TSHZ3: variants seen among roughly 807,000 people sequenced by gnomAD.
TSHZ3 encodes teashirt homolog 3.
Under a neutral mutation model 64.5 loss-of-function variants are expected in TSHZ3, and 10 were observed. The ratio of observed to expected loss-of-function variants is 0.16; its 90% CI spans 0.10 to 0.26. The LOEUF (loss-of-function observed/expected upper bound fraction) is 0.26, where lower values mean the gene tolerates loss of function less well. Among genes scored for constraint, TSHZ3 ranks in the 10% least tolerant of loss-of-function variants. The pLI is 1.00. For missense variants in TSHZ3, 1,242 were observed against 1,421.7 expected, an observed-to-expected ratio of 0.87 and a Z score of 2.03; for synonymous variants, 608 against 593.1, an observed-to-expected ratio of 1.03 and a Z score of -0.36.
intron 1 of TSHZ3, among the ~76,000 whole-genome samples, chr19:31,296,812 G>A (rs1438510594): frequency 6.6e-6 from 1 of 152,192 alleles, no homozygotes; most frequent in Non-Finnish European, 1.5e-5. Flanking sequence ...GGCACTGGGG[G>A]TCAGTCACAA....
chr19:31,175,139 T>C (rs558259135), intron 5 of TSHZ3, among the ~76,000 whole-genome samples: 1 of 152,260 alleles, frequency 6.6e-6, no homozygotes, highest in African/African-American at 2.4e-5. Context: ...GCCCAGTTCA[T>C]CATGACTGGC....
chr19:31,316,928 T>C (rs1241268848), intron 1 of TSHZ3, among the ~76,000 whole-genome samples: 1 of 152,182 alleles, frequency 6.6e-6, no homozygotes, highest in Non-Finnish European at 1.5e-5. Context: ...AAATATTCTC[T>C]GCTTGCTTTT....
At chr19:31,166,972 C>CT (rs753702066) in intron 5 of TSHZ3, among the ~76,000 whole-genome samples, 10 of 152,152 alleles carry the variant, frequency 6.6e-5, no homozygotes, top group Non-Finnish European at 1.2e-4. Flanking sequence ...GATGGCAGAT[C>CT]TTTAACACAA....
chr19:31,283,605 C>T (rs751899090), intron 1 of TSHZ3, among the ~76,000 whole-genome samples: 3 of 152,128 alleles, frequency 2.0e-5, no homozygotes, highest in African/African-American at 2.4e-5. Context: ...TTGAATGATA[C>T]GGGGCACTTG....
chr19:31,204,094 TC>T (rs1357809706), intron 5 of TSHZ3, among the ~76,000 whole-genome samples: 1 of 152,060 alleles, frequency 6.6e-6, no homozygotes, highest in Non-Finnish European at 1.5e-5. Context: ...GAATTCACTA[TC>T]ACAAGAAAAG....
intron 5 of TSHZ3, among the ~76,000 whole-genome samples, chr19:31,186,352 G>C (rs913959394): frequency 6.6e-6 from 1 of 152,152 alleles, no homozygotes; most frequent in Non-Finnish European, 1.5e-5. Context: ...ATCATGGGGG[G>C]CGGTTACCCT....
chr19:31,299,391 GTAGA>G (rs1437311610), intron 1 of TSHZ3, among the ~76,000 whole-genome samples: 1 of 152,112 alleles, frequency 6.6e-6, no homozygotes, highest in African/African-American at 2.4e-5. Context: ...ACTATGCAAG[GTAGA>G]TAAAGCAAGA....
At chr19:31,273,662 T>A (rs1454864323), downstream of TSHZ3, among the ~76,000 whole-genome samples, 2 of 152,192 alleles carry the variant, frequency 1.3e-5, no homozygotes, top group African/African-American at 4.8e-5. Flanking sequence ...GATGTGAAGA[T>A]GCGGAAGGCA....
chr19:31,314,406 T>C (rs1916546838), intron 1 of TSHZ3, among the ~76,000 whole-genome samples: 1 of 152,186 alleles, frequency 6.6e-6, no homozygotes, highest in South Asian at 2.1e-4. Flanking sequence ...ACCTGCACGG[T>C]GGGGCTCTGC....
intron 1 of TSHZ3, among the ~76,000 whole-genome samples, chr19:31,249,489 C>T (rs1476411041): frequency 6.6e-6 from 1 of 152,064 alleles, no homozygotes; most frequent in African/African-American, 2.4e-5. Context: ...TGGCTGCTGT[C>T]TACTTAAACA....
intron 5 of TSHZ3, among the ~76,000 whole-genome samples, chr19:31,183,724 G>C (rs761464864): frequency 2.0e-5 from 3 of 152,098 alleles, no homozygotes; most frequent in Non-Finnish European, 4.4e-5. Flanking sequence ...CTGCTGTAGG[G>C]AGCTGATGTT....
intron 1 of TSHZ3, among the ~76,000 whole-genome samples, chr19:31,253,009 T>C (rs984253518): frequency 6.6e-6 from 1 of 152,238 alleles, no homozygotes; most frequent in Admixed American, 6.5e-5. Flanking sequence ...TCAGTATAGA[T>C]ATTTTAATTT....
intron 1 of TSHZ3, among the ~76,000 whole-genome samples, chr19:31,250,526 G>A (rs1041410734): frequency 6.6e-6 from 1 of 152,202 alleles, no homozygotes; most frequent in Admixed American, 6.5e-5. Flanking sequence ...TACACCCAGT[G>A]CACAGTTAAA....
chr19:31,205,736 C>A (rs576690772), intron 4 of TSHZ3, among the ~76,000 whole-genome samples: 14 of 152,344 alleles, frequency 9.2e-5, no homozygotes, highest in African/African-American at 3.1e-4. Flanking sequence ...TGGCCCCTTT[C>A]CCCACCTCTC....
At chr19:31,169,835 G>C (rs1258362055) in intron 5 of TSHZ3, among the ~76,000 whole-genome samples, 1 of 152,126 alleles carries the variant, frequency 6.6e-6, no homozygotes, top group Non-Finnish European at 1.5e-5. Context: ...GAGGATATAT[G>C]CTGCCCTAGA....
chr19:31,304,885 C>A (rs1168258702), intron 1 of TSHZ3, among the ~76,000 whole-genome samples: 1 of 152,230 alleles, frequency 6.6e-6, no homozygotes, highest in East Asian at 1.9e-4. Context: ...ACTGGTAACT[C>A]CTTGACATTT....
exon 7 of TSHZ3, among the ~76,000 whole-genome samples, chr19:31,151,475 C>G (rs1974238038): frequency 6.6e-6 from 1 of 152,162 alleles, no homozygotes; most frequent in South Asian, 2.1e-4. Flanking sequence ...CAGTCTTCAA[C>G]CCCCAAAATT....
intron 5 of TSHZ3, among the ~76,000 whole-genome samples, chr19:31,191,204 A>G (rs1243485594): frequency 1.3e-5 from 2 of 152,202 alleles, no homozygotes. Context: ...AACAAATCAT[A>G]AACAGGAGAA....
intron 3 of TSHZ3, among the ~76,000 whole-genome samples, chr19:31,238,556 A>G (rs1432064611): frequency 6.6e-6 from 1 of 152,140 alleles, no homozygotes; most frequent in Non-Finnish European, 1.5e-5. Flanking sequence ...GTGCCCGGCT[A>G]TGAATTTTGA....
Sources: gnomAD v4.1 joint callset for allele counts (sites outside exome capture counted in the v4.1 genomes callset) on GRCh38, gnomAD v4.1.1 for gene constraint, MANE v1.5 for transcripts, NCBI Gene and HGNC (gene_info 2026-07-23, HGNC 2026-07-21) for gene names.